The following TMEM132D variants were observed in gnomAD, a reference collection of about 807,000 sequenced individuals.
TMEM132D encodes the protein transmembrane protein 132D, also known as mature OL transmembrane protein.
TMEM132D carries 21 observed loss-of-function variants against 62.3 expected under a neutral mutation model. The ratio of observed to expected loss-of-function variants is 0.34; its 90% CI spans 0.24 to 0.49. The LOEUF is 0.49. Ranked by LOEUF, TMEM132D falls within the 20% of genes least tolerant of loss-of-function variation. TMEM132D has a pLI of 0.99. For synonymous variants in TMEM132D, 621 were observed against 575.6 expected, an observed-to-expected ratio of 1.08 and a Z score of -1.13; for missense variants, 1,346 against 1,402.8, an observed-to-expected ratio of 0.96 and a Z score of 0.65.
chr12:129,521,506 A>T (rs1301970024), intron 3 of TMEM132D: 1 of 152,232 alleles, frequency 6.6e-6, no homozygotes, highest in Non-Finnish European at 1.5e-5. Context: ...TTATATAGAA[A>T]ATAAAAAGAA....
intron 3 of TMEM132D, among the ~76,000 whole-genome samples, chr12:129,461,147 A>C (rs2135732517): frequency 6.6e-6 from 1 of 152,314 alleles, no homozygotes; most frequent in Admixed American, 6.5e-5. Context: ...GAAAGAGTAG[A>C]GGTGCAGAAG....
chr12:129,193,021 G>C (rs757739547), intron 5 of TMEM132D, among the ~76,000 whole-genome samples: 2 of 152,226 alleles, frequency 1.3e-5, no homozygotes, highest in South Asian at 4.2e-4. Flanking sequence ...AGCCGAGCGC[G>C]GTGGCAGGTG....
intron 2 of TMEM132D, among the ~76,000 whole-genome samples, chr12:129,697,025 A>G (rs1053882500): frequency 1.3e-5 from 2 of 152,226 alleles, no homozygotes; most frequent in Non-Finnish European, 2.9e-5. Flanking sequence ...ACACACAGAA[A>G]GAAGCTAACT....
intron 2 of TMEM132D, among the ~76,000 whole-genome samples, chr12:129,533,592 C>T (rs1876290489): frequency 6.6e-6 from 1 of 152,150 alleles, no homozygotes; most frequent in East Asian, 1.9e-4. Flanking sequence ...AAATTTTATT[C>T]ATAAGTAGGC....
intron 1 of TMEM132D, among the ~76,000 whole-genome samples, chr12:129,834,995 A>G (rs1872958401): frequency 6.6e-6 from 1 of 152,184 alleles, no homozygotes; most frequent in South Asian, 2.1e-4. Flanking sequence ...TTACTGAATG[A>G]AGCAGGTAAA....
intron 4 of TMEM132D, among the ~76,000 whole-genome samples, chr12:129,314,826 G>C (rs891359616): frequency 4.0e-5 from 6 of 151,872 alleles, no homozygotes; most frequent in Non-Finnish European, 8.8e-5. Context: ...TCCTTGTAGA[G>C]GTCTTTCGAC....
chr12:129,506,894 G>A (rs1346554334), intron 3 of TMEM132D, among the ~76,000 whole-genome samples: 12 of 152,088 alleles, frequency 7.9e-5, no homozygotes, highest in Non-Finnish European at 1.8e-4. Context: ...TGCACAGCAA[G>A]AGAAACAGTA....
chr12:129,209,943 C>T (rs1878986173), intron 4 of TMEM132D: 1 of 415,428 alleles, frequency 2.4e-6, no homozygotes, highest in Non-Finnish European at 4.4e-6. Context: ...TTGGCAAACA[C>T]TTATGTGTCA....
At chr12:129,559,741 G>A (rs927626007) in intron 2 of TMEM132D, among the ~76,000 whole-genome samples, 1 of 152,220 alleles carries the variant, frequency 6.6e-6, no homozygotes, top group South Asian at 2.1e-4. Flanking sequence ...CCCTCAAAAA[G>A]TCAACTTGAT....
At chr12:129,809,180 C>T (rs903860188) in intron 1 of TMEM132D, among the ~76,000 whole-genome samples, 2 of 151,920 alleles carry the variant, frequency 1.3e-5, no homozygotes, top group Non-Finnish European at 2.9e-5. Context: ...TGGTGGCGGG[C>T]ACCTGTAGTC....
intron 3 of TMEM132D, among the ~76,000 whole-genome samples, chr12:129,345,393 C>T (rs1458474288): frequency 6.6e-6 from 1 of 152,160 alleles, no homozygotes; most frequent in Admixed American, 6.5e-5. Flanking sequence ...GGAACCACAG[C>T]ATCGATTCCA....
At chr12:129,554,616 C>T (rs894895071) in intron 2 of TMEM132D, among the ~76,000 whole-genome samples, 2 of 152,132 alleles carry the variant, frequency 1.3e-5, no homozygotes, top group African/African-American at 4.8e-5. Context: ...CTATAACCAC[C>T]TTCTCTCTAC....
At chr12:129,315,812 C>T (rs1868470776) in intron 4 of TMEM132D, among the ~76,000 whole-genome samples, 1 of 152,006 alleles carries the variant, frequency 6.6e-6, no homozygotes, top group South Asian at 2.1e-4. Flanking sequence ...CCATTTCAGT[C>T]TTGCTGCTTG....
intron 5 of TMEM132D, among the ~76,000 whole-genome samples, chr12:129,143,614 A>C (rs1419631503): frequency 6.6e-6 from 1 of 152,212 alleles, no homozygotes; most frequent in Non-Finnish European, 1.5e-5. Context: ...GAAAGACTGT[A>C]ACAAAAGCTA....
At chr12:129,138,167 T>C (rs548176187) in intron 5 of TMEM132D, among the ~76,000 whole-genome samples, 1 of 152,282 alleles carries the variant, frequency 6.6e-6, no homozygotes, top group East Asian at 1.9e-4. Context: ...CACCTTACCA[T>C]TGCCTTGCAG....
intron 2 of TMEM132D, among the ~76,000 whole-genome samples, chr12:129,609,193 C>T (rs1031161970): frequency 4.6e-5 from 7 of 152,098 alleles, no homozygotes; most frequent in African/African-American, 1.7e-4. Flanking sequence ...GATCTGCCAA[C>T]CTTGGCCTCC....
chr12:129,801,080 C>G (rs1475186728), intron 1 of TMEM132D, among the ~76,000 whole-genome samples: 1 of 152,200 alleles, frequency 6.6e-6, no homozygotes, highest in African/African-American at 2.4e-5. Context: ...ACAGAGTCTC[C>G]CTGATGGCTA....
intron 3 of TMEM132D, among the ~76,000 whole-genome samples, chr12:129,492,192 C>A (rs367868553): frequency 7.2e-4 from 109 of 152,174 alleles, no homozygotes; most frequent in African/African-American, 2.5e-3. Context: ...AGAAAATTAG[C>A]AAATGTCAGT....
intron 4 of TMEM132D, among the ~76,000 whole-genome samples, chr12:129,251,664 C>T (rs545000664): frequency 1.3e-5 from 2 of 152,282 alleles, no homozygotes; most frequent in South Asian, 4.1e-4. Context: ...TCAATTAACT[C>T]CATGCTCCTC....
Sources: allele counts gnomAD v4.1 joint callset (sites outside exome capture counted in the v4.1 genomes callset), GRCh38; gene constraint gnomAD v4.1.1; transcripts MANE v1.5; gene names NCBI Gene and HGNC (gene_info 2026-07-23, HGNC 2026-07-21).